The following HTR7 variants were observed in gnomAD, a reference collection of about 807,000 sequenced individuals.
HTR7 encodes the protein 5-hydroxytryptamine receptor 7, also known as 5-HT-7.
Under a neutral mutation model 34.0 loss-of-function variants are expected in HTR7, and 16 were observed. That is an observed-to-expected ratio of 0.47 (90% CI 0.32 to 0.71). The LOEUF (loss-of-function observed/expected upper bound fraction) is 0.71. Ranked by LOEUF, HTR7 falls within the 30% of genes least tolerant of loss-of-function variation. The pLI, the probability that HTR7 is intolerant of heterozygous loss-of-function variation, is 0.04. For missense variants in HTR7, 504 were observed against 625.5 expected (o/e 0.81, Z 2.07); for synonymous variants, 265 against 260.2 (o/e 1.02, Z -0.18).
At chr10:90,799,973 T>C (rs1459752412) in intron 1 of HTR7, among the ~76,000 whole-genome samples, 1 of 152,202 alleles carries the variant, frequency 6.6e-6, no homozygotes, top group Non-Finnish European at 1.5e-5. Context: ...TACAATTCAA[T>C]AATAGAGCCA....
At chr10:90,817,670 C>T (rs1845917656) in intron 1 of HTR7, among the ~76,000 whole-genome samples, 1 of 152,204 alleles carries the variant, frequency 6.6e-6, no homozygotes, top group African/African-American at 2.4e-5. Context: ...CAAGATTTTC[C>T]TGGGCAAGCC....
intron 1 of HTR7, among the ~76,000 whole-genome samples, chr10:90,813,041 C>G (rs1054118395): frequency 3.9e-5 from 6 of 152,074 alleles, no homozygotes; most frequent in Admixed American, 2.0e-4. Context: ...AAAACCTCCC[C>G]CACTGAGCAC....
intron 1 of HTR7, among the ~76,000 whole-genome samples, chr10:90,751,104 G>A (rs995524370): frequency 2.0e-5 from 3 of 152,232 alleles, no homozygotes; most frequent in Non-Finnish European, 2.9e-5. Context: ...GCAAACTTCC[G>A]CCTCCCCTTT....
intron 1 of HTR7, among the ~76,000 whole-genome samples, chr10:90,824,259 A>G (rs1589468283): frequency 6.6e-6 from 1 of 152,372 alleles, no homozygotes; most frequent in East Asian, 1.9e-4. Context: ...ACATTTCCAG[A>G]CACACATTGG....
intron 1 of HTR7, among the ~76,000 whole-genome samples, chr10:90,847,105 C>T (rs1477556805): frequency 6.6e-6 from 1 of 152,086 alleles, no homozygotes; most frequent in East Asian, 1.9e-4. Context: ...AATATTTGAA[C>T]AAGCTTTGAA....
chr10:90,856,539 G>A (rs1846583491), intron 1 of HTR7, among the ~76,000 whole-genome samples: 1 of 152,158 alleles, frequency 6.6e-6, no homozygotes, highest in Non-Finnish European at 1.5e-5. Flanking sequence ...CTGGAGGAAG[G>A]CTCCAGTCAG....
intron 1 of HTR7, among the ~76,000 whole-genome samples, chr10:90,842,419 T>C (rs1846343170): frequency 2.0e-5 from 3 of 152,194 alleles, no homozygotes; most frequent in South Asian, 4.1e-4. Flanking sequence ...GTAAGACAGA[T>C]CTGGAGTCAG....
intron 1 of HTR7, among the ~76,000 whole-genome samples, chr10:90,852,052 T>C (rs1204598996): frequency 1.3e-5 from 2 of 151,934 alleles, no homozygotes; most frequent in Non-Finnish European, 2.9e-5. Flanking sequence ...AACAGACTAA[T>C]ACATTCAGTA....
intron 1 of HTR7, among the ~76,000 whole-genome samples, chr10:90,839,893 G>C (rs1846302358): frequency 6.6e-6 from 1 of 152,026 alleles, no homozygotes; most frequent in Non-Finnish European, 1.5e-5. Context: ...CTGTAAAGCA[G>C]TATCTATAAC....
chr10:90,814,507 T>C (rs1845869232), intron 1 of HTR7, among the ~76,000 whole-genome samples: 1 of 152,026 alleles, frequency 6.6e-6, no homozygotes, highest in South Asian at 2.1e-4. Flanking sequence ...AAGAAGAGCA[T>C]GGGGAAAAGC....
At position 90,764,127 on chromosome 10, in the gene HTR7, T is replaced by C. The variant is rs534412678; in HGVS notation, c.540-14533A>G. Among the ~76,000 whole-genome samples, 18 of 152,276 alleles carry C rather than the reference T, an allele frequency of 1.2e-4. 1 individual carries two copies. The South Asian group carries it at 1.7e-3, about 14-fold the overall frequency. On this transcript the variant is annotated intron_variant, in intron 1 of 3. Coordinates refer to ENST00000336152, the MANE Select transcript of HTR7 (RefSeq NM_019859.4). ...ACAGGCTCACCAGAATCTATTGTTT[T>C]TGGACTTTTTAATAATTGCCATTCT...
intron 1 of HTR7, among the ~76,000 whole-genome samples, chr10:90,768,585 G>T (rs1009108427): frequency 2.0e-5 from 3 of 151,834 alleles, no homozygotes; most frequent in African/African-American, 7.3e-5. Flanking sequence ...ACTCTCTTCT[G>T]CATGTTGCTT....
At chr10:90,774,809 T>A (rs1845179583) in intron 1 of HTR7, among the ~76,000 whole-genome samples, 1 of 152,216 alleles carries the variant, frequency 6.6e-6, no homozygotes, top group African/African-American at 2.4e-5. Flanking sequence ...TTCATAAGCA[T>A]CGCTTTTTAA....
At position 90,815,673 on chromosome 10, in the gene HTR7, C is replaced by T. The variant is rs558479881; in HGVS notation, c.539+41460G>A. 5.7e-4 allele frequency among the ~76,000 whole-genome samples: 87 copies of T among 152,022 alleles called. 1 individual carries two copies. Among genetic ancestry groups the T allele is most frequent in the South Asian group, 1.0e-3 (5 of 4,806 alleles). Reference sequence around the variant, plus strand: ...ATGTGCAACTGGCCATCATGGCACACGTTTACCTACGTAACAAACCTGCAC... The same window carrying T: ...ATGTGCAACTGGCCATCATGGCACATGTTTACCTACGTAACAAACCTGCAC... On this transcript the variant is annotated intron_variant, in intron 1 of 3. Transcript: ENST00000336152.
At chr10:90,814,760 G>A (rs1227887361) in intron 1 of HTR7, among the ~76,000 whole-genome samples, 1 of 152,176 alleles carries the variant, frequency 6.6e-6, no homozygotes, top group Non-Finnish European at 1.5e-5. Context: ...ACATTACCAA[G>A]GGCTGGATGG....
At chr10:90,764,778 CACT>C (rs879466780) in intron 1 of HTR7, among the ~76,000 whole-genome samples, 5 of 152,094 alleles carry the variant, frequency 3.3e-5, no homozygotes, top group African/African-American at 7.2e-5. Context: ...AGCTTTACAC[CACT>C]GAGTATGATG....
chr10:90,753,401 C>T (rs1291589920), intron 1 of HTR7, among the ~76,000 whole-genome samples: 1 of 151,258 alleles, frequency 6.6e-6, no homozygotes, highest in Non-Finnish European at 1.5e-5. Context: ...GAGAAAGAAA[C>T]TAATGACCAA....
At chr10:90,743,201 C>G (rs2119656814) in intron 3 of HTR7, among the ~76,000 whole-genome samples, 1 of 152,298 alleles carries the variant, frequency 6.6e-6, no homozygotes, top group South Asian at 2.1e-4. Flanking sequence ...AAAGCACCCC[C>G]TACCCTGCCA....
At chr10:90,761,969 C>T (rs1264559490) in intron 1 of HTR7, among the ~76,000 whole-genome samples, 1 of 152,142 alleles carries the variant, frequency 6.6e-6, no homozygotes, top group African/African-American at 2.4e-5. Flanking sequence ...GGATTGCCTT[C>T]TTTTGTAGCT....
Sources: gnomAD v4.1 joint callset for allele counts (sites outside exome capture counted in the v4.1 genomes callset) on GRCh38, gnomAD v4.1.1 for gene constraint, MANE v1.5 for transcripts, NCBI Gene and HGNC (gene_info 2026-07-23, HGNC 2026-07-21) for gene names.